Variants in BLTP1 observed in about 807,000 individuals in gnomAD.
The protein encoded by BLTP1 is bridge-like lipid transfer protein family member 1, also known as fragile site-associated protein.
At chr4:122,269,161 T>C in the BLTP1 span, 8 of 663,698 alleles carry the variant, frequency 1.2e-5, no homozygotes, top group South Asian at 4.7e-4. Context: ...AATATATCCA[T>C]TTATATATAA....
chr4:122,207,514 C>CTTTTTTTTTTTTTTTTTT, the BLTP1 span: 13 of 1,286,846 alleles, frequency 1.0e-5, no homozygotes, highest in South Asian at 4.6e-5. Context: ...ACTTTTTCTT[C>CTTTTTTTTTTTTTTTTTT]TTTTTTTTTT....
chr4:122,274,548 A>G, the BLTP1 span: 2 of 1,440,138 alleles, frequency 1.4e-6, no homozygotes, highest in African/African-American at 3.0e-5. Context: ...CAGTTCCCAG[A>G]TACTGAGAAT....
At chr4:122,342,090 A>T in the BLTP1 span, among the ~76,000 whole-genome samples, 4 of 152,204 alleles carry the variant, frequency 2.6e-5, no homozygotes, top group African/African-American at 9.6e-5. Context: ...ATTCACACAC[A>T]TACTTTTAGA....
chr4:122,264,333 G>A, the BLTP1 span: 1 of 1,611,370 alleles, frequency 6.2e-7, no homozygotes, highest in African/African-American at 1.3e-5. Flanking sequence ...ACTTTGGATG[G>A]GACACATTCT....
the BLTP1 span, chr4:122,243,017 C>G: frequency 5.5e-5 from 88 of 1,608,434 alleles, no homozygotes; most frequent in Non-Finnish European, 7.1e-5. Flanking sequence ...CAGGGGCTCA[C>G]AGCTAATTCT....
chr4:122,294,445 G>A, the BLTP1 span, among the ~76,000 whole-genome samples: 1 of 152,154 alleles, frequency 6.6e-6, no homozygotes, highest in Non-Finnish European at 1.5e-5. Context: ...CTGATACCTG[G>A]TGCAGGAGGA....
the BLTP1 span, among the ~76,000 whole-genome samples, chr4:122,159,969 A>C: frequency 6.6e-6 from 1 of 152,212 alleles, no homozygotes; most frequent in African/African-American, 2.4e-5. Context: ...ACCTGGAGTG[A>C]CCCTTCCTAG....
At chr4:122,224,082 ATTGTTTGGTC>A in the BLTP1 span, 1 of 982,966 alleles carries the variant, frequency 1.0e-6, no homozygotes, top group South Asian at 4.7e-5. Context: ...ACCATTCTTC[ATTGTTTGGTC>A]TTAATGGTCT....
At chr4:122,155,413 T>G in the BLTP1 span, among the ~76,000 whole-genome samples, 11,416 of 151,458 alleles carry the variant, frequency 0.075, 1,004 homozygotes, top group East Asian at 0.31. Flanking sequence ...AACCTCTGCC[T>G]CCTGGGTTCA....
the BLTP1 span, among the ~76,000 whole-genome samples, chr4:122,179,688 A>G: frequency 2.6e-5 from 4 of 152,196 alleles, no homozygotes; most frequent in Non-Finnish European, 5.9e-5. Context: ...ACAGAGAGGC[A>G]TATATATGCA....
the BLTP1 span, among the ~76,000 whole-genome samples, chr4:122,163,096 T>A: frequency 1.3e-5 from 2 of 152,218 alleles, no homozygotes; most frequent in African/African-American, 4.8e-5. Flanking sequence ...ATAGGCCTAG[T>A]TATAAATAAT....
At chr4:122,274,262 T>G in the BLTP1 span, 1 of 849,082 alleles carries the variant, frequency 1.2e-6, no homozygotes, top group South Asian at 1.6e-5. Flanking sequence ...CTGAATATAT[T>G]ATGAATAAAA....
the BLTP1 span, among the ~76,000 whole-genome samples, chr4:122,260,246 A>G: frequency 1.5e-3 from 222 of 152,334 alleles, 4 homozygotes; most frequent in Admixed American, 0.014. Context: ...CAGTAAAAAT[A>G]TGATATTATA....
the BLTP1 span, chr4:122,211,901 T>C: frequency 6.3e-6 from 1 of 157,930 alleles, no homozygotes; most frequent in African/African-American, 2.4e-5. Context: ...TGGTAACTAC[T>C]ATAATCCTTG....
At chr4:122,310,888 A>G in the BLTP1 span, 1 of 904,572 alleles carries the variant, frequency 1.1e-6, no homozygotes, top group African/African-American at 1.8e-5. Context: ...CTTGATATGG[A>G]AATACTCATG....
At chr4:122,264,153 AC>A in the BLTP1 span, 1 of 1,347,544 alleles carries the variant, frequency 7.4e-7, no homozygotes, top group Non-Finnish European at 9.6e-7. Context: ...TTGAAATGGT[AC>A]TACTATACAG....
At chr4:122,211,843 T>G in the BLTP1 span, among the ~76,000 whole-genome samples, 52 of 152,324 alleles carry the variant, frequency 3.4e-4, no homozygotes, top group African/African-American at 1.1e-3. Context: ...AATCATGTTT[T>G]AAATGTCCCC....
chr4:122,161,236 G>C, the BLTP1 span: 1 of 463,514 alleles, frequency 2.2e-6, no homozygotes, highest in Non-Finnish European at 2.8e-6. Flanking sequence ...TTTCATTGTT[G>C]CATGAGGGAT....
At chr4:122,207,320 A>T in the BLTP1 span, 1 of 1,480,540 alleles carries the variant, frequency 6.8e-7, no homozygotes, top group Non-Finnish European at 9.2e-7. Flanking sequence ...GCAAATACCA[A>T]CTAAGAAAAT....
Sources: gnomAD v4.1 joint callset for allele counts (sites outside exome capture counted in the v4.1 genomes callset) on GRCh38, gnomAD v4.1.1 for gene constraint, MANE v1.5 for transcripts, NCBI Gene and HGNC (gene_info 2026-07-23, HGNC 2026-07-21) for gene names.